The following ELP4 variants were observed in gnomAD, a reference collection of about 807,000 sequenced individuals.
ELP4 encodes the protein elongator acetyltransferase complex subunit 4.
A neutral mutation model predicts 48.9 loss-of-function variants in ELP4; 51 were observed. That is an observed-to-expected ratio of 1.04 (90% CI 0.83 to 1.32). ELP4 has a LOEUF of 1.32. Ranked by LOEUF, ELP4 falls within the 40% of genes most tolerant of loss-of-function variation. The pLI is 0.00. For synonymous variants in ELP4, 210 were observed against 189.2 expected, an observed-to-expected ratio of 1.11 and a Z score of -0.90; for missense variants, 519 against 514.6, an observed-to-expected ratio of 1.01 and a Z score of -0.08.
chr11:31,746,724 A>G (rs1405933330), intron 9 of ELP4, among the ~76,000 whole-genome samples: 2 of 151,768 alleles, frequency 1.3e-5, no homozygotes, highest in African/African-American at 4.8e-5. Flanking sequence ...AACATCACAC[A>G]CCGGGGACTG....
intron 3 of ELP4, among the ~76,000 whole-genome samples, chr11:31,550,342 C>G (rs1273963847): frequency 6.6e-6 from 1 of 151,864 alleles, no homozygotes; most frequent in African/African-American, 2.4e-5. Context: ...TATTTTTTGT[C>G]TTGATTGTAT....
chr11:31,550,874 G>C (rs1432798165), intron 3 of ELP4, among the ~76,000 whole-genome samples: 1 of 152,098 alleles, frequency 6.6e-6, no homozygotes, highest in African/African-American at 2.4e-5. Context: ...ATCCCAAAAA[G>C]CTATTGTCAT....
chr11:31,516,645 G>A (rs564545721), intron 1 of ELP4, among the ~76,000 whole-genome samples: 1 of 152,180 alleles, frequency 6.6e-6, no homozygotes, highest in African/African-American at 2.4e-5. Flanking sequence ...ACAGGTGGCA[G>A]CACGCCTTGC....
chr11:31,778,361 A>G (rs1948292823), intron 9 of ELP4, among the ~76,000 whole-genome samples: 1 of 152,180 alleles, frequency 6.6e-6, no homozygotes, highest in African/African-American at 2.4e-5. Flanking sequence ...GTAGAGAGTA[A>G]TTATACTAAA....
intron 9 of ELP4, among the ~76,000 whole-genome samples, chr11:31,742,295 G>C (rs534022286): frequency 1.8e-4 from 27 of 152,212 alleles, no homozygotes; most frequent in Non-Finnish European, 3.5e-4. Context: ...GTGACGGTGA[G>C]AATGGAACCA....
At chr11:31,690,901 T>G (rs1946266449) in intron 9 of ELP4, among the ~76,000 whole-genome samples, 2 of 151,232 alleles carry the variant, frequency 1.3e-5, no homozygotes, top group Admixed American at 1.3e-4. Context: ...TACTTCTTAA[T>G]TTTCAGTCAG....
In ELP4 at chr11:31,541,305, T is replaced by C. The variant is rs544020671; in HGVS notation, c.381+1522T>C. 4 of 152,364 alleles carry C rather than the reference T, an allele frequency of 2.6e-5. No individual in the cohort carries two copies. In the South Asian group the frequency reaches 8.3e-4, roughly 32 times the overall value. The allele number at this position is 152,364 out of a possible 1,614,324, so 9.4% of individuals were successfully genotyped here. ...GCAGAAACCTGTATTTGATTGATTT[T>C]CCTCTGGTTGTAGGGCTTATTTTTT... On this transcript the variant is annotated intron_variant, in intron 3 of 9. Transcript: ENST00000640961.
chr11:31,591,429 G>C (rs1274918263), intron 3 of ELP4, among the ~76,000 whole-genome samples: 1 of 142,792 alleles, frequency 7.0e-6, no homozygotes, highest in Non-Finnish European at 1.5e-5. Flanking sequence ...AAAAGGGGGG[G>C]GGGGGGTATA....
chr11:31,515,855 A>C (rs1394832736), intron 1 of ELP4, among the ~76,000 whole-genome samples: 1 of 152,242 alleles, frequency 6.6e-6, no homozygotes, highest in Non-Finnish European at 1.5e-5. Context: ...TCACGCCTGT[A>C]ATCCCAGCAC....
intron 9 of ELP4, chr11:31,763,439 A>AG: frequency 6.2e-7 from 1 of 1,609,198 alleles, no homozygotes; most frequent in Non-Finnish European, 8.5e-7. Flanking sequence ...TTGAGACAAG[A>AG]GAGGAACATT....
chr11:31,577,755 T>C (rs1339646808), intron 3 of ELP4, among the ~76,000 whole-genome samples: 1 of 152,156 alleles, frequency 6.6e-6, no homozygotes, highest in Non-Finnish European at 1.5e-5. Context: ...CTGTTCATGC[T>C]AAAAACTCTC....
intron 3 of ELP4, among the ~76,000 whole-genome samples, chr11:31,577,246 A>T (rs57709795): frequency 1.3e-5 from 2 of 152,168 alleles, no homozygotes; most frequent in Non-Finnish European, 2.9e-5. Flanking sequence ...AAGAAGTTGA[A>T]TCCCTGTATA....
At chr11:31,564,461 T>G (rs1957073112) in intron 3 of ELP4, among the ~76,000 whole-genome samples, 1 of 151,968 alleles carries the variant, frequency 6.6e-6, no homozygotes, top group African/African-American at 2.4e-5. Context: ...ACATGTGCCA[T>G]GTTGGTGTGT....
At chr11:31,706,971 T>C (rs1946646818) in intron 9 of ELP4, 3 of 398,372 alleles carry the variant, frequency 7.5e-6, no homozygotes, top group Non-Finnish European at 1.3e-5. Context: ...ACATTTTCTT[T>C]ATTCATCTTT....
intron 9 of ELP4, among the ~76,000 whole-genome samples, chr11:31,705,954 G>A (rs1403492825): frequency 1.3e-5 from 2 of 152,132 alleles, no homozygotes. Context: ...CTAGGCTCAA[G>A]TGATCCTCCT....
At chr11:31,760,909 G>A (rs1425427962) in intron 9 of ELP4, among the ~76,000 whole-genome samples, 6 of 152,168 alleles carry the variant, frequency 3.9e-5, no homozygotes, top group Non-Finnish European at 8.8e-5. Context: ...AAAAAGTTAG[G>A]CTTAGGATGT....
intron 9 of ELP4, among the ~76,000 whole-genome samples, chr11:31,655,853 A>G (rs971065143): frequency 1.2e-4 from 19 of 152,128 alleles, no homozygotes; most frequent in African/African-American, 4.6e-4. Flanking sequence ...CCTTTGATCA[A>G]ACCTTCCAAA....
chr11:31,525,373 A>G (rs532915371), intron 2 of ELP4, among the ~76,000 whole-genome samples: 1 of 152,328 alleles, frequency 6.6e-6, no homozygotes, highest in East Asian at 1.9e-4. Context: ...TGTGTTCAGC[A>G]CTGTTAGGCA....
intron 9 of ELP4, among the ~76,000 whole-genome samples, chr11:31,762,507 TTCTACAATAAGAA>T (rs1466837740): frequency 6.6e-6 from 1 of 152,070 alleles, no homozygotes; most frequent in Admixed American, 6.5e-5. Context: ...AATAAAGACT[TTCTACAATAAGAA>T]TCTTTTCACT....
Sources: gnomAD v4.1 joint callset for allele counts (sites outside exome capture counted in the v4.1 genomes callset) on GRCh38, gnomAD v4.1.1 for gene constraint, MANE v1.5 for transcripts, NCBI Gene and HGNC (gene_info 2026-07-23, HGNC 2026-07-21) for gene names.